Variants in COL5A2 observed in about 807,000 individuals in gnomAD.
COL5A2 encodes collagen alpha-2(V) chain.
COL5A2 carries 23 observed loss-of-function variants against 208.2 expected under a neutral mutation model. The observed-to-expected ratio is 0.11, with a 90% CI of 0.08 to 0.16. The LOEUF is 0.16. COL5A2 is among the 10% of genes least tolerant of loss of function. The pLI, the probability that COL5A2 is intolerant of heterozygous loss-of-function variation, is 1.00. For missense variants in COL5A2, 1,590 were observed against 1,956.4 expected, an observed-to-expected ratio of 0.81 and a Z score of 3.53; for synonymous variants, 625 against 628.5, an observed-to-expected ratio of 0.99 and a Z score of 0.08.
At chr2:189,265,812 C>T in the COL5A2 span, among the ~76,000 whole-genome samples, 5 of 152,062 alleles carry the variant, frequency 3.3e-5, no homozygotes, top group Admixed American at 3.3e-4. Context: ...ATAAAACAAA[C>T]AAAAACAGGT....
chr2:189,147,271 A>G (rs377000913), intron 1 of COL5A2, among the ~76,000 whole-genome samples: 14 of 152,320 alleles, frequency 9.2e-5, no homozygotes, highest in East Asian at 7.7e-4. Flanking sequence ...AAAATTATGA[A>G]AAAACGTAAG....
chr2:189,060,905 T>C (rs992387955), intron 30 of COL5A2, 122 bp from the exon 31 acceptor site: 2 of 717,112 alleles, frequency 2.8e-6, no homozygotes, highest in African/African-American at 3.6e-5. Context: ...TGAAAATATA[T>C]TGTTCAGACA....
At chr2:189,401,717 C>T in the COL5A2 span, among the ~76,000 whole-genome samples, 8 of 152,308 alleles carry the variant, frequency 5.3e-5, no homozygotes, top group African/African-American at 1.9e-4. Context: ...TACAACCTCA[C>T]CAGCATCTGT....
the COL5A2 span, among the ~76,000 whole-genome samples, chr2:189,351,957 C>T: frequency 6.6e-6 from 1 of 152,042 alleles, no homozygotes; most frequent in South Asian, 2.1e-4. Flanking sequence ...ATCCCTCCCC[C>T]AGCTCCCACC....
At chr2:189,178,922 G>A (rs779819898) in intron 1 of COL5A2, among the ~76,000 whole-genome samples, 6 of 152,084 alleles carry the variant, frequency 3.9e-5, no homozygotes, top group Non-Finnish European at 7.3e-5. Flanking sequence ...AGAAACAAAC[G>A]AGACTGCCTC....
chr2:189,062,081 C>T (rs1686044259), intron 29 of COL5A2, among the ~76,000 whole-genome samples: 1 of 151,748 alleles, frequency 6.6e-6, no homozygotes, highest in Admixed American at 6.6e-5. Flanking sequence ...AAAAAATATG[C>T]CAAAATATTT....
the COL5A2 span, among the ~76,000 whole-genome samples, chr2:189,287,618 C>G: frequency 6.6e-6 from 1 of 152,056 alleles, no homozygotes; most frequent in Non-Finnish European, 1.5e-5. Flanking sequence ...TGATGAGGTA[C>G]TAAAATTAGT....
the COL5A2 span, among the ~76,000 whole-genome samples, chr2:189,425,711 G>A: frequency 1.3e-5 from 2 of 152,096 alleles, no homozygotes; most frequent in Admixed American, 6.6e-5. Context: ...TTGAATCATG[G>A]GGGCAGTTTC....
intron 1 of COL5A2, among the ~76,000 whole-genome samples, chr2:189,211,975 A>T (rs1219147603): frequency 4.6e-5 from 7 of 152,246 alleles, no homozygotes; most frequent in Admixed American, 4.6e-4. Context: ...TTGAGAAATG[A>T]CAGGACAACC....
intron 11 of COL5A2, 102 bp downstream of exon 11, chr2:189,085,056 AGG>A: frequency 1.1e-6 from 1 of 911,446 alleles, no homozygotes; most frequent in African/African-American, 1.6e-5. Context: ...GCAAGCTAAA[AGG>A]GTGGGGAAAT....
intron 16 of COL5A2, among the ~76,000 whole-genome samples, chr2:189,075,673 G>T (rs1224082536): frequency 3.3e-5 from 5 of 152,120 alleles, no homozygotes; most frequent in Admixed American, 2.6e-4. Flanking sequence ...TTGAGAAAAT[G>T]AAACTGATTA....
intron 1 of COL5A2, among the ~76,000 whole-genome samples, chr2:189,138,337 T>C (rs947079941): frequency 1.3e-5 from 2 of 152,056 alleles, no homozygotes; most frequent in Non-Finnish European, 2.9e-5. Flanking sequence ...TACTTATTAA[T>C]ATGTCTTGAT....
the COL5A2 span, among the ~76,000 whole-genome samples, chr2:189,316,090 C>T: frequency 6.6e-6 from 1 of 152,148 alleles, no homozygotes; most frequent in African/African-American, 2.4e-5. Flanking sequence ...TACCATTCAA[C>T]TCAGCAATTC....
At chr2:189,394,406 G>A in the COL5A2 span, among the ~76,000 whole-genome samples, 3 of 152,110 alleles carry the variant, frequency 2.0e-5, no homozygotes. Flanking sequence ...TTTGGATATG[G>A]GGACCTTTGG....
the COL5A2 span, among the ~76,000 whole-genome samples, chr2:189,235,975 G>A: frequency 1.3e-5 from 2 of 151,122 alleles, no homozygotes; most frequent in Admixed American, 6.6e-5. Flanking sequence ...GTTCCAGGCA[G>A]AGGCTGCATA....
chr2:189,086,201 A>G (rs1463719830), intron 9 of COL5A2, among the ~76,000 whole-genome samples: 2 of 152,164 alleles, frequency 1.3e-5, no homozygotes, highest in African/African-American at 4.8e-5. Flanking sequence ...CTTTCTTTTA[A>G]AATATTATTT....
the COL5A2 span, among the ~76,000 whole-genome samples, chr2:189,255,342 A>G: frequency 6.6e-6 from 1 of 152,300 alleles, no homozygotes; most frequent in South Asian, 2.1e-4. Flanking sequence ...ATTTTTTCCA[A>G]TGTACAATAA....
the COL5A2 span, among the ~76,000 whole-genome samples, chr2:189,267,460 G>C: frequency 6.6e-6 from 1 of 151,954 alleles, no homozygotes. Context: ...CAAATGAAAA[G>C]GAACATGCTA....
chr2:189,284,605 A>G, the COL5A2 span, among the ~76,000 whole-genome samples: 13 of 152,234 alleles, frequency 8.5e-5, no homozygotes, highest in Non-Finnish European at 1.5e-4. Context: ...CTCCTACAAT[A>G]CATGGGGGGA....
Sources: gnomAD v4.1 joint callset for allele counts (sites outside exome capture counted in the v4.1 genomes callset) on GRCh38, gnomAD v4.1.1 for gene constraint, MANE v1.5 for transcripts, NCBI Gene and HGNC (gene_info 2026-07-23, HGNC 2026-07-21) for gene names.